The following RPS6KA2 variants were observed in gnomAD, a reference collection of about 807,000 sequenced individuals.
The protein encoded by RPS6KA2 is ribosomal protein S6 kinase alpha-2.
A neutral mutation model predicts 91.8 loss-of-function variants in RPS6KA2; 42 were observed. The ratio of observed to expected loss-of-function variants is 0.46; its 90% CI spans 0.36 to 0.59. The LOEUF (loss-of-function observed/expected upper bound fraction) is 0.59, where lower values mean the gene tolerates loss of function less well. RPS6KA2 is among the 20% of genes least tolerant of loss of function. The pLI is 0.00. For missense variants in RPS6KA2, 798 were observed against 978.5 expected (o/e 0.82, Z 2.46); for synonymous variants, 414 against 393.6 (o/e 1.05, Z -0.61).
At chr6:166,496,089 G>A (rs948976108) in intron 8 of RPS6KA2, among the ~76,000 whole-genome samples, 1 of 152,182 alleles carries the variant, frequency 6.6e-6, no homozygotes, top group East Asian at 1.9e-4. Flanking sequence ...GGTGGCTCAC[G>A]CCTGCAACCC....
At chr6:166,544,447 G>T (rs191494368) in intron 1 of RPS6KA2, among the ~76,000 whole-genome samples, 7 of 152,306 alleles carry the variant, frequency 4.6e-5, no homozygotes, top group Non-Finnish European at 8.8e-5. Context: ...CAGGAAAGCT[G>T]GCTGCACCAG....
At chr6:166,654,663 G>A (rs6909203) in intron 2 of RPS6KA2, among the ~76,000 whole-genome samples, 9,215 of 152,252 alleles carry the variant, frequency 0.061, 591 homozygotes, top group African/African-American at 0.16. Flanking sequence ...TTTTGTTGCT[G>A]TTTAGACATT....
intron 2 of RPS6KA2, among the ~76,000 whole-genome samples, chr6:166,844,383 T>A (rs1854236): frequency 6.6e-6 from 1 of 151,930 alleles, no homozygotes; most frequent in Non-Finnish European, 1.5e-5. Flanking sequence ...CCAGCCTTGC[T>A]AGAGATCTAG....
At chr6:166,498,771 G>A (rs984978271) in intron 7 of RPS6KA2, 121 bp from the exon 8 acceptor site, 1 of 1,267,090 alleles carries the variant, frequency 7.9e-7, no homozygotes, top group Non-Finnish European at 1.1e-6. Flanking sequence ...GCGCAGCAGA[G>A]CCCTGCTCAG....
intron 2 of RPS6KA2, among the ~76,000 whole-genome samples, chr6:166,753,293 A>G (rs1777903717): frequency 6.6e-6 from 1 of 152,232 alleles, no homozygotes; most frequent in Non-Finnish European, 1.5e-5. Flanking sequence ...CTGCTTATAC[A>G]GCAGCACTCA....
chr6:166,634,878 A>C (rs1431877418), intron 2 of RPS6KA2, among the ~76,000 whole-genome samples: 1 of 152,140 alleles, frequency 6.6e-6, no homozygotes. Flanking sequence ...CTGGGGTTAC[A>C]GGTGTGAGCC....
chr6:166,818,988 A>G (rs1177624910), intron 2 of RPS6KA2, among the ~76,000 whole-genome samples: 1 of 151,988 alleles, frequency 6.6e-6, no homozygotes, highest in Non-Finnish European at 1.5e-5. Flanking sequence ...CACCAAGCTC[A>G]GGATGCATGT....
chr6:166,552,991 T>A (rs1784065550), intron 1 of RPS6KA2, among the ~76,000 whole-genome samples: 1 of 152,256 alleles, frequency 6.6e-6, no homozygotes, highest in Admixed American at 6.5e-5. Context: ...CAGCTTGACA[T>A]CTGAATGGTT....
At chr6:166,466,822 ACT>A (rs1376949762) in intron 11 of RPS6KA2, among the ~76,000 whole-genome samples, 7 of 151,668 alleles carry the variant, frequency 4.6e-5, no homozygotes, top group African/African-American at 1.7e-4. Context: ...TCATTCACTC[ACT>A]CCCTCACTCA....
chr6:166,595,946 A>G (rs764215598), intron 1 of RPS6KA2, among the ~76,000 whole-genome samples: 1 of 152,262 alleles, frequency 6.6e-6, no homozygotes, highest in Non-Finnish European at 1.5e-5. Context: ...ACTTATTGTA[A>G]TAGTATCCAA....
At chr6:166,745,678 AG>A (rs747441037) in intron 2 of RPS6KA2, among the ~76,000 whole-genome samples, 4 of 151,860 alleles carry the variant, frequency 2.6e-5, no homozygotes, top group Non-Finnish European at 4.4e-5. Flanking sequence ...AGAGAACGAG[AG>A]GGGGTGACAA....
Position 166,423,513 on chromosome 6 carries a change from T to C in RPS6KA2, c.1582-96A>G, listed in dbSNP as rs1778804273. ...TGGAGGGGAGGGTGCATTTGGGAACTGTCTTCCTAGCAGGTCCTGCAAGCA... is the reference window on the plus strand; with the variant it reads ...TGGAGGGGAGGGTGCATTTGGGAACCGTCTTCCTAGCAGGTCCTGCAAGCA... On this transcript the variant is annotated intron_variant, in intron 16 of 20. Coordinates refer to ENST00000265678, the MANE Select transcript of RPS6KA2 (RefSeq NM_021135.6). This position sits in a 1 kb window ranked among gnomAD's most constrained non-coding sequence, Gnocchi z 4.8. 5 of 1,250,030 alleles carry C rather than the reference T, an allele frequency of 4.0e-6. No homozygotes were observed. Among genetic ancestry groups the C allele is most frequent in the South Asian group, 1.4e-5 (1 of 69,962 alleles). The allele number at this position is 1,250,030 out of a possible 1,614,324, so 77.4% of individuals were successfully genotyped here.
chr6:166,762,705 G>C (rs1004964436), intron 2 of RPS6KA2, among the ~76,000 whole-genome samples: 2 of 152,084 alleles, frequency 1.3e-5, no homozygotes, highest in African/African-American at 4.8e-5. Flanking sequence ...AGAAAGAATA[G>C]CACCTTCCCA....
chr6:166,800,374 G>A (rs1378482595), intron 2 of RPS6KA2, among the ~76,000 whole-genome samples: 1 of 152,208 alleles, frequency 6.6e-6, no homozygotes, highest in Non-Finnish European at 1.5e-5. Flanking sequence ...CTGGCCTCCT[G>A]CCACATCCAG....
intron 2 of RPS6KA2, among the ~76,000 whole-genome samples, chr6:166,690,852 G>A (rs944813757): frequency 1.3e-5 from 2 of 152,044 alleles, no homozygotes; most frequent in Non-Finnish European, 2.9e-5. Flanking sequence ...CTCTGACCAC[G>A]GAGACCCTGA....
Position 166,796,231 on chromosome 6 carries a change from A to G in RPS6KA2, c.123+61969T>C, listed in dbSNP as rs1051808291. ...GTAGAGCCCTGAAAAAGACAAAAAGACCACTCATGTCCATATGGACAAACA... is the reference window on the plus strand; with the variant it reads ...GTAGAGCCCTGAAAAAGACAAAAAGGCCACTCATGTCCATATGGACAAACA... On this transcript the variant is annotated intron_variant, in intron 2 of 21. Coordinates refer to the RPS6KA2 transcript ENST00000503859. 2.0e-5 allele frequency among the ~76,000 whole-genome samples: 3 copies of G among 152,158 alleles called. No individual in the cohort carries two copies. The East Asian group carries it at 5.8e-4, about 29-fold the overall frequency.
At chr6:166,778,927 C>A (rs1230824265) in intron 2 of RPS6KA2, among the ~76,000 whole-genome samples, 2 of 152,244 alleles carry the variant, frequency 1.3e-5, no homozygotes. Flanking sequence ...ATTGACTACA[C>A]TGATGCTCTG....
intron 1 of RPS6KA2, among the ~76,000 whole-genome samples, chr6:166,615,499 G>T (rs954575435): frequency 3.9e-5 from 6 of 152,290 alleles, no homozygotes; most frequent in Non-Finnish European, 8.8e-5. Flanking sequence ...GTGGACAAAG[G>T]CCAGGCTGAC....
Position 166,490,672 on chromosome 6 carries a change from T to C in RPS6KA2, c.817A>G (p.Lys273Glu). ...TGGGGTGGCTCCCACACTACTCACT[T>C]GAGGATGAGAGCCATGGTCTCCTTC... ...DRKETMALIL[K>E]AKLGMPQFLS... The change falls in exon 9 of 21, where the codon AAA becomes GAA. Residue 273 changes from lysine to glutamate, a missense_variant and splice_region_variant. Lys to Glu is a moderately conservative substitution (Grantham distance 56, BLOSUM62 1). Transcript: ENST00000265678. This position sits in a 1 kb window ranked among gnomAD's most constrained non-coding sequence, Gnocchi z 4.2. 1 of 1,608,620 alleles carries C rather than the reference T, an allele frequency of 6.2e-7. No homozygotes were observed. Among genetic ancestry groups the C allele is most frequent in the Non-Finnish European group, 8.5e-7 (1 of 1,176,600 alleles).
Sources: gnomAD v4.1 joint callset for allele counts (sites outside exome capture counted in the v4.1 genomes callset) on GRCh38, gnomAD v4.1.1 for gene constraint, Gnocchi (gnomAD v3.1) non-coding constraint, MANE v1.5 for transcripts, NCBI Gene and HGNC (gene_info 2026-07-23, HGNC 2026-07-21) for gene names.